Variants in CACNA1I observed in about 807,000 individuals in gnomAD.
The protein encoded by CACNA1I is calcium voltage-gated channel subunit alpha1 I.
In CACNA1I, 74 loss-of-function variants were observed where a neutral mutation model predicts 201.6. The observed-to-expected ratio is 0.37, with a 90% confidence interval of 0.30 to 0.45. CACNA1I has a LOEUF of 0.45. CACNA1I is among the 20% of genes least tolerant of loss of function. CACNA1I has a pLI of 1.00. For missense variants in CACNA1I, 2,346 were observed against 3,138.1 expected (o/e 0.75, Z 6.03); for synonymous variants, 1,431 against 1,345.2 (o/e 1.06, Z -1.40).
intron 4 of CACNA1I, among the ~76,000 whole-genome samples, chr22:39,620,766 T>G (rs9611207): frequency 0.22 from 17,806 of 81,858 alleles, 1,496 homozygotes; most frequent in East Asian, 0.35. Context: ...TTGTTTGTTT[T>G]TTTTGAGACA....
rs1802543876 is a variant in CACNA1I at position 39,682,768 on chromosome 22, A to G, written c.5830+107A>G. On this transcript the variant is annotated intron_variant, in intron 35 of 36. Coordinates refer to ENST00000402142, the MANE Select transcript of CACNA1I (RefSeq NM_021096.4). ...TTAGTATTTTTACCCAGATTATTATATTTAGTCCAGAAAGAACCAGATGGA... is the reference window on the plus strand; with the variant it reads ...TTAGTATTTTTACCCAGATTATTATGTTTAGTCCAGAAAGAACCAGATGGA... 7 of 935,222 alleles carry G rather than the reference A, an allele frequency of 7.5e-6. No homozygotes were observed. In the Admixed American group the frequency reaches 2.0e-4, roughly 26 times the overall value. 57.9% of individuals were successfully genotyped at this position (935,222 alleles called of 1,614,324 possible).
At chr22:39,622,995 A>G (rs1239161886) in intron 4 of CACNA1I, among the ~76,000 whole-genome samples, 2 of 152,108 alleles carry the variant, frequency 1.3e-5, no homozygotes, top group African/African-American at 4.8e-5. Context: ...GTCGCACACA[A>G]GGGATGTTTG....
chr22:39,597,962 T>A (rs968532583), intron 1 of CACNA1I, among the ~76,000 whole-genome samples, 189 bp from the exon 2 acceptor site: 4 of 152,100 alleles, frequency 2.6e-5, no homozygotes, highest in African/African-American at 9.7e-5. Flanking sequence ...TATGGCCATG[T>A]CTGTTGTGAT....
chr22:39,650,065 T>G, intron 10 of CACNA1I, 140 bp downstream of exon 10: 2 of 888,344 alleles, frequency 2.3e-6, no homozygotes, highest in Non-Finnish European at 1.7e-6. Context: ...CTGGGTCCAG[T>G]TCATCCATGT....
Position 39,649,714 on chromosome 22 carries a change from C to T in CACNA1I, c.1781C>T (p.Ala594Val), listed in dbSNP as rs1478357793. Residue 594 changes from alanine to valine, a missense_variant, in exon 10 of 37, where the codon GCC (alanine) becomes GTC (valine). By Grantham distance (64) the Ala-to-Val change is moderately conservative (BLOSUM62 0). Coordinates refer to ENST00000402142, the MANE Select transcript of CACNA1I (RefSeq NM_021096.4). The surrounding 1 kb of genome is among the most constrained non-coding windows in gnomAD (Gnocchi z 7.3). ...GAGGACGAGGCGGATGGGGACGGGG[C>T]CCGGAGCAGCGAGGACGGAGCCTCC... is the stretch of plus-strand genomic sequence containing the variant. ...GGEDEADGDG[A>V]RSSEDGASSE... The T allele has an allele frequency of 3.3e-6, 5 of 1,530,938 alleles. No individual in the cohort carries two copies. In the East Asian group the frequency reaches 7.3e-5, roughly 22 times the overall value. 94.8% of individuals were successfully genotyped at this position (1,530,938 alleles called of 1,614,324 possible).
In CACNA1I at chr22:39,642,055, G is replaced by A. The variant is rs79770349; in HGVS notation, c.1057-742G>A. On this transcript the variant is annotated intron_variant, in intron 6 of 36. Transcript: ENST00000402142. ...GCTGAGAAGTCCCTGAGGGGGCAGC[G>A]GGAGGGCTGAACTCTGCTGCCTCCG... is the stretch of plus-strand genomic sequence containing the variant. Among the ~76,000 whole-genome samples, 843 of 152,252 alleles carry A rather than the reference G, an allele frequency of 5.5e-3. 4 individuals carry two copies. Among genetic ancestry groups the A allele is most frequent in the African/African-American group, 0.019 (776 of 41,544 alleles).
In CACNA1I at chr22:39,576,420, G is replaced by A. The variant is rs574705764; in HGVS notation, c.236+5432G>A. 3.3e-5 allele frequency among the ~76,000 whole-genome samples: 5 copies of A among 152,312 alleles called. No individual in the cohort carries two copies. In the East Asian group the frequency reaches 5.8e-4, roughly 18 times the overall value. ...CAGGGTTGCACAGCCAGGCTGTGGC[G>A]GAGCTGGCATCAAAACCCCGATTTC... On this transcript the variant is annotated intron_variant, in intron 1 of 36. Coordinates refer to ENST00000402142, the MANE Select transcript of CACNA1I (RefSeq NM_021096.4).
At chr22:39,643,011 G>T (rs993988585) in intron 7 of CACNA1I, 122 bp downstream of exon 7, 2 of 636,320 alleles carry the variant, frequency 3.1e-6, no homozygotes, top group African/African-American at 3.6e-5. Context: ...CCGGGATGAG[G>T]GAGCAGGAAG....
intron 3 of CACNA1I, among the ~76,000 whole-genome samples, chr22:39,612,856 C>A (rs1047878047): frequency 6.6e-6 from 1 of 152,198 alleles, no homozygotes; most frequent in African/African-American, 2.4e-5. Flanking sequence ...CTCCTTCCCT[C>A]CATCCCTCCA....
rs1050701724 is a variant in CACNA1I at position 39,648,688 on chromosome 22, T to G, written c.1567+762T>G. On this transcript the variant is annotated intron_variant, in intron 9 of 36. Coordinates refer to ENST00000402142, the MANE Select transcript of CACNA1I (RefSeq NM_021096.4). The surrounding 1 kb of genome is among the most constrained non-coding windows in gnomAD (Gnocchi z 5.4). The stretch of plus-strand genomic sequence containing the variant: ...CTTTTCTTTCCCTTTCATGTTACTT[T>G]TTTGGCTTACACAAGCAAAATGTGT... Among the ~76,000 whole-genome samples, 2 of 152,062 alleles carry G rather than the reference T, an allele frequency of 1.3e-5. No homozygotes were observed. Among genetic ancestry groups the G allele is most frequent in the African/African-American group, 2.4e-5 (1 of 41,382 alleles).
chr22:39,661,397 C>A, intron 16 of CACNA1I, 87 bp downstream of exon 16: 3 of 1,065,344 alleles, frequency 2.8e-6, no homozygotes, highest in East Asian at 2.8e-5. Flanking sequence ...GCCAGTCTAG[C>A]CTCAGACTCT....
At chr22:39,672,071 A>G (rs1935391888) in intron 26 of CACNA1I, 128 bp from the exon 27 acceptor site, 3 of 655,862 alleles carry the variant, frequency 4.6e-6, no homozygotes, top group South Asian at 1.9e-5. Flanking sequence ...TAAAAGCAGC[A>G]TATAAATAAT....
chr22:39,634,971 T>G (rs1415461117), intron 5 of CACNA1I, among the ~76,000 whole-genome samples: 1 of 152,116 alleles, frequency 6.6e-6, no homozygotes, highest in Non-Finnish European at 1.5e-5. Context: ...TTCCCCTTGG[T>G]GGCTGAGTCA....
In CACNA1I at chr22:39,649,619, G is replaced by T; in HGVS notation, c.1686G>T (p.Arg562=). ...SCPCCQHEDG[R]RPSGLGSTDS... ...CTTGCTGCCAGCATGAGGACGGCCG[G>T]CGGCCCTCGGGCCTGGGCAGCACCG... Residue 562 remains arginine, a synonymous_variant, in exon 10 of 37, where the codon CGG becomes CGT. Coordinates refer to ENST00000402142, the MANE Select transcript of CACNA1I (RefSeq NM_021096.4). The surrounding 1 kb of genome is among the most constrained non-coding windows in gnomAD (Gnocchi z 7.3). The T allele has an allele frequency of 6.5e-7, 1 of 1,533,566 alleles. No individual in the cohort carries two copies. Among genetic ancestry groups the T allele is most frequent in the Non-Finnish European group, 8.8e-7 (1 of 1,138,858 alleles). The allele number at this position is 1,533,566 out of a possible 1,614,324, so 95.0% of individuals were successfully genotyped here. A position where few individuals can be genotyped will look rare whatever the true frequency, so the allele number is the denominator to read the frequency against.
At chr22:39,683,949 C>T (rs1292455352) in intron 35 of CACNA1I, among the ~76,000 whole-genome samples, 3 of 152,190 alleles carry the variant, frequency 2.0e-5, no homozygotes, top group Non-Finnish European at 4.4e-5. Flanking sequence ...TGGTACTGAG[C>T]TGGGAGCTTC....
chr22:39,657,634 C>T (rs1408794290), intron 10 of CACNA1I, among the ~76,000 whole-genome samples: 7 of 152,304 alleles, frequency 4.6e-5, no homozygotes, highest in Middle Eastern at 3.4e-3. Flanking sequence ...AAGGGACTGG[C>T]GTCCTGTGAA....
rs778675787 is a variant in CACNA1I at position 39,662,116 on chromosome 22, G to T, written c.3053G>T (p.Cys1018Phe). ...GAGCGCGGCGGCGGCGCCCGGGTCT[G>T]CGAGGTTGCCGCGGACGAGGGGCCG... ...SAERGGGARVCEVAADEGPPR... is the reference protein window; with the variant it reads ...SAERGGGARVFEVAADEGPPR... The change falls in exon 17 of 37, where the codon TGC becomes TTC. Residue 1018 changes from cysteine (C) to phenylalanine (F), a missense_variant. Cys to Phe is a radical substitution (Grantham distance 205). This residue lies in a region of CACNA1I where 288 missense variants were observed against 255.2 expected (regional missense o/e 1.13). Coordinates refer to ENST00000402142, the MANE Select transcript of CACNA1I (RefSeq NM_021096.4). 1 of 1,528,220 alleles carries T rather than the reference G, an allele frequency of 6.5e-7. No individual in the cohort carries two copies. The allele number at this position is 1,528,220 out of a possible 1,614,324, so 94.7% of individuals were successfully genotyped here. A position where few individuals can be genotyped will look rare whatever the true frequency, so the allele number is the denominator to read the frequency against.
Position 39,686,261 on chromosome 22 carries a change from G to C in CACNA1I, c.6528G>C (p.Arg2176=). Residue 2176 remains arginine (R), a synonymous_variant, in exon 37 of 37, where the codon CGG becomes CGC. Transcript: ENST00000402142. ...CCGCCCTGGCCCACGGCCTGGCCCG[G>C]AGCCCCTCGTGGGCCGCGGACCGCA... The part of the protein sequence containing the change: ...HAAALAHGLA[R]SPSWAADRSK... 1.6e-6 allele frequency: 2 copies of C among 1,289,838 alleles called. No individual in the cohort carries two copies. Among genetic ancestry groups the C allele is most frequent in the Non-Finnish European group, 2.0e-6 (2 of 1,017,722 alleles). 79.9% of individuals were successfully genotyped at this position (1,289,838 alleles called of 1,614,324 possible). A position where few individuals can be genotyped will look rare whatever the true frequency, so the allele number is the denominator to read the frequency against.
At chr22:39,620,265 ATCCATCCATC>A (rs778173886) in intron 4 of CACNA1I, among the ~76,000 whole-genome samples, 11,909 of 136,046 alleles carry the variant, frequency 0.088, 652 homozygotes, top group Admixed American at 0.2. Flanking sequence ...CCATCCATCC[ATCCATCCATC>A]CATACGTACA....
Sources: allele counts gnomAD v4.1 joint callset (sites outside exome capture counted in the v4.1 genomes callset), GRCh38; gene constraint gnomAD v4.1.1; regional missense constraint gnomAD v4.1.1; non-coding constraint Gnocchi (gnomAD v3.1); transcripts MANE v1.5; gene names NCBI Gene and HGNC (gene_info 2026-07-23, HGNC 2026-07-21).